USP45: variants seen among roughly 807,000 people sequenced by gnomAD.
USP45 encodes the protein ubiquitin specific peptidase 45.
Under a neutral mutation model 95.8 loss-of-function variants are expected in USP45, and 89 were observed. That is an observed-to-expected ratio of 0.93 (90% CI 0.78 to 1.11). The LOEUF (loss-of-function observed/expected upper bound fraction) is 1.11, where lower values mean the gene tolerates loss of function less well. Among genes scored for constraint, USP45 ranks in the 50% least tolerant of loss-of-function variants. The pLI, the probability that USP45 is intolerant of heterozygous loss-of-function variation, is 0.00. For missense variants in USP45, 898 were observed against 942.5 expected, an observed-to-expected ratio of 0.95 and a Z score of 0.62; for synonymous variants, 281 against 316.2, an observed-to-expected ratio of 0.89 and a Z score of 1.18.
In USP45 at chr6:99,433,985, G is replaced by A. The variant is rs1780090087; in HGVS notation, c.*1731C>T. On this transcript the variant is annotated 3_prime_UTR_variant, in exon 18 of 18. Transcript: ENST00000500704. ...ATTTTTCAAAAAATTCACTGCTCTGGTACTGAGATCTCCATGATAACAGAT... is the reference window on the plus strand; with the variant it reads ...ATTTTTCAAAAAATTCACTGCTCTGATACTGAGATCTCCATGATAACAGAT... 6.6e-6 allele frequency: 1 copy of A among 152,122 alleles called. No individual in the cohort carries two copies. The highest frequency in any genetic ancestry group is 1.5e-5 in the Non-Finnish European group (1 of 68,014). The allele number at this position is 152,122 out of a possible 1,614,324, so 9.4% of individuals were successfully genotyped here.
At chr6:99,466,627 T>G in intron 11 of USP45, 45 bp downstream of exon 11, 1 of 1,435,488 alleles carries the variant, frequency 7.0e-7, no homozygotes, top group Non-Finnish European at 9.7e-7. Context: ...AAAAATGATG[T>G]GATTGTAATC....
At chr6:99,445,581 A>T (rs1782378122) in intron 14 of USP45, among the ~76,000 whole-genome samples, 1 of 152,118 alleles carries the variant, frequency 6.6e-6, no homozygotes, top group Non-Finnish European at 1.5e-5. Flanking sequence ...TTTTCAAGGC[A>T]GAGTTGTATA....
At chr6:99,514,551 T>G (rs554288004) in intron 1 of USP45, among the ~76,000 whole-genome samples, 1 of 152,226 alleles carries the variant, frequency 6.6e-6, no homozygotes, top group African/African-American at 2.4e-5. Flanking sequence ...CAATAAACTT[T>G]ACAGTTTTCA....
chr6:99,439,754 C>A lies in USP45; in HGVS notation c.2160+15G>T. ...ATTAATTTATAAATCAATTAAATAT[C>A]TTAATATACTGTACCTTACAAGTAG... On this transcript the variant is annotated intron_variant, in intron 16 of 17. Coordinates refer to ENST00000500704, the MANE Select transcript of USP45 (RefSeq NM_001346022.3). The A allele has an allele frequency of 3.3e-6, 5 of 1,515,144 alleles. No homozygotes were observed. The highest frequency in any genetic ancestry group is 4.5e-6 in the Non-Finnish European group (5 of 1,123,100). The allele number at this position is 1,515,144 out of a possible 1,614,324, so 93.9% of individuals were successfully genotyped here. A position where few individuals can be genotyped will look rare whatever the true frequency, so the allele number is the denominator to read the frequency against.
intron 7 of USP45, among the ~76,000 whole-genome samples, chr6:99,484,131 C>G (rs1793219446): frequency 6.7e-6 from 1 of 149,694 alleles, no homozygotes; most frequent in Non-Finnish European, 1.5e-5. Context: ...CCACCACACC[C>G]AGTCAAAATT....
In USP45 at chr6:99,446,567, CA is replaced by C. The variant is rs1427530473; in HGVS notation, c.1309-105del. On this transcript the variant is annotated intron_variant, in intron 13 of 17. Coordinates refer to ENST00000500704, the MANE Select transcript of USP45 (RefSeq NM_001346022.3). ...CATAGTTATTAAATACCATTTCTCT[CA>C]GATCCATTTCCTAAGCCTACTGAAA... The C allele has an allele frequency of 2.7e-6, 3 of 1,098,158 alleles. No individual in the cohort carries two copies. In the African/African-American group the frequency reaches 4.8e-5, roughly 17 times the overall value. The allele number at this position is 1,098,158 out of a possible 1,614,324, so 68.0% of individuals were successfully genotyped here. A position where few individuals can be genotyped will look rare whatever the true frequency, so the allele number is the denominator to read the frequency against.
At chr6:99,489,383 A>G (rs1794686083) in intron 5 of USP45, among the ~76,000 whole-genome samples, 1 of 152,202 alleles carries the variant, frequency 6.6e-6, no homozygotes, top group South Asian at 2.1e-4. Flanking sequence ...TTGGTAACAG[A>G]TTTTTTAAAT....
chr6:99,459,810 A>G (rs998440715), intron 13 of USP45, among the ~76,000 whole-genome samples: 1 of 152,080 alleles, frequency 6.6e-6, no homozygotes, highest in Non-Finnish European at 1.5e-5. Flanking sequence ...ATGATGACCT[A>G]TTTTTGTATT....
intron 7 of USP45, among the ~76,000 whole-genome samples, chr6:99,484,504 A>C (rs917885477): frequency 1.3e-5 from 2 of 152,048 alleles, no homozygotes; most frequent in African/African-American, 4.8e-5. Flanking sequence ...TGAATGTCAA[A>C]AGTGCTTTTC....
intron 4 of USP45, among the ~76,000 whole-genome samples, chr6:99,505,865 C>A (rs1441336355): frequency 2.6e-5 from 4 of 152,152 alleles, no homozygotes; most frequent in Non-Finnish European, 1.5e-5. Flanking sequence ...TCTGTCATAA[C>A]AAGATCTCCC....
At chr6:99,502,077 C>A in intron 5 of USP45, 1 of 1,237,778 alleles carries the variant, frequency 8.1e-7, no homozygotes, top group South Asian at 1.4e-5. Flanking sequence ...TCAATATGGC[C>A]AATGATTCAA....
At chr6:99,467,598 C>T (rs1402924719) in intron 10 of USP45, among the ~76,000 whole-genome samples, 1 of 151,648 alleles carries the variant, frequency 6.6e-6, no homozygotes, top group Non-Finnish European at 1.5e-5. Flanking sequence ...TTTAGAAATA[C>T]TATAATAATA....
intron 2 of USP45, 69 bp downstream of exon 2, chr6:99,510,052 T>C: frequency 1.7e-6 from 2 of 1,200,710 alleles, no homozygotes; most frequent in South Asian, 1.3e-5. Context: ...CAAACCCATG[T>C]TGTTGAAGGG....
intron 13 of USP45, among the ~76,000 whole-genome samples, chr6:99,449,914 C>G (rs1783469432): frequency 6.6e-6 from 1 of 152,132 alleles, no homozygotes; most frequent in Non-Finnish European, 1.5e-5. Flanking sequence ...ACTGAAAAAC[C>G]TGCTCCTGAA....
chr6:99,445,920 A>T lies in USP45; in HGVS notation c.1852T>A (p.Cys618Ser). 6.2e-7 allele frequency: 1 copy of T among 1,614,130 alleles called. No individual in the cohort carries two copies. The highest frequency in any genetic ancestry group is 8.5e-7 in the Non-Finnish European group (1 of 1,180,030). The change falls in exon 14 of 18, where the codon TGT becomes AGT. Residue 618 changes from cysteine (C) to serine (S), a missense_variant. By Grantham distance (112) the Cys-to-Ser change is moderately radical (BLOSUM62 -1). Transcript: ENST00000500704. ...TGGTAGAGACAGGACTGAATTGAAC[A>T]TTCTTTAGAAGTAGTTATATAGCTC... Reference protein sequence around the residue: ...SQSYITTSKECSIQSCLYQFT... With the variant: ...SQSYITTSKESSIQSCLYQFT...
chr6:99,490,940 T>C (rs892459941), intron 5 of USP45, among the ~76,000 whole-genome samples: 22 of 152,228 alleles, frequency 1.4e-4, no homozygotes, highest in Admixed American at 1.3e-4. Context: ...ACAACTTTTA[T>C]CCTGTGCTAC....
At chr6:99,494,933 T>C (rs1200329007) in intron 5 of USP45, among the ~76,000 whole-genome samples, 1 of 151,956 alleles carries the variant, frequency 6.6e-6, no homozygotes, top group Non-Finnish European at 1.5e-5. Context: ...TATTAAATCA[T>C]AAACATAAAA....
At position 99,466,753 on chromosome 6, in the gene USP45, T is replaced by G; in HGVS notation, c.1026A>C (p.Lys342Asn). Reference sequence around the variant, plus strand: ...CTATGAAGTTCATTTTCACACCTTCTTTTCCATATGCTGTAAAAATCATAC... The same window carrying G: ...CTATGAAGTTCATTTTCACACCTTCGTTTCCATATGCTGTAAAAATCATAC... ...ETRKKVKAYG[K>N]EGVKMNFIDR... Residue 342 changes from lysine to asparagine, a missense_variant, in exon 11 of 18, where the codon AAA becomes AAC. By Grantham distance (94) the Lys-to-Asn change is moderately conservative. Coordinates refer to ENST00000500704, the MANE Select transcript of USP45 (RefSeq NM_001346022.3). The G allele has an allele frequency of 6.2e-7, 1 of 1,612,994 alleles. No individual in the cohort carries two copies. Among genetic ancestry groups the G allele is most frequent in the Non-Finnish European group, 8.5e-7 (1 of 1,179,316 alleles).
At chr6:99,503,742 C>G (rs922245686) in intron 5 of USP45, 23 bp downstream of exon 5, 1 of 1,446,820 alleles carries the variant, frequency 6.9e-7, no homozygotes, top group African/African-American at 1.4e-5. Flanking sequence ...AACACAGATT[C>G]CTTTAGTCAT....
Sources: allele counts gnomAD v4.1 joint callset (sites outside exome capture counted in the v4.1 genomes callset), GRCh38; gene constraint gnomAD v4.1.1; transcripts MANE v1.5; gene names NCBI Gene and HGNC (gene_info 2026-07-23, HGNC 2026-07-21).